The following CLEC4A variants were observed in gnomAD, a reference collection of about 807,000 sequenced individuals.
CLEC4A encodes the protein C-type (calcium dependent, carbohydrate-recognition domain) lectin, superfamily member 6.
A neutral mutation model predicts 32.7 loss-of-function variants in CLEC4A; 27 were observed. The ratio of observed to expected loss-of-function variants is 0.83; its 90% CI spans 0.61 to 1.14. The LOEUF is 1.14. Among genes scored for constraint, CLEC4A ranks in the 50% most tolerant of loss-of-function variants. CLEC4A has a pLI of 0.00. For synonymous variants in CLEC4A, 89 were observed against 93.7 expected (o/e 0.95, Z 0.29); for missense variants, 253 against 274.6 (o/e 0.92, Z 0.55).
intron 3 of CLEC4A, chr12:8,133,728 T>G: frequency 6.3e-7 from 1 of 1,585,116 alleles, no homozygotes; most frequent in South Asian, 1.1e-5. Flanking sequence ...TTTCCCTAGC[T>G]CCTCCCCTCC....
the CLEC4A span, among the ~76,000 whole-genome samples, chr12:8,115,057 G>A: frequency 1.3e-5 from 2 of 152,194 alleles, no homozygotes; most frequent in African/African-American, 4.8e-5. Context: ...GCCAAAGAGG[G>A]TTCAAGCACC....
intron 3 of CLEC4A, chr12:8,134,979 G>GTTTTTTTGT (rs1591611840): frequency 1.8e-5 from 3 of 166,032 alleles, no homozygotes; most frequent in Non-Finnish European, 2.5e-5. Flanking sequence ...AAGCGTTTTT[G>GTTTTTTTGT]TTTTTTGTTT....
In CLEC4A at chr12:8,130,236, C is replaced by T. The variant is rs765780270; in HGVS notation, c.298+874C>T. Among the ~76,000 whole-genome samples, 7 of 152,190 alleles carry T rather than the reference C, an allele frequency of 4.6e-5. No homozygotes were observed. The South Asian group carries it at 8.3e-4, about 18-fold the overall frequency. ...TACATTGCTTTTAGACTTCTTCGAC[C>T]TTTGCTTCTTTCGGAACTTTCTATA... On this transcript the variant is annotated intron_variant, in intron 3 of 5. Transcript: ENST00000229332.
intron 2 of CLEC4A, among the ~76,000 whole-genome samples, 190 bp downstream of exon 2, chr12:8,125,867 T>A (rs1322075450): frequency 1.3e-5 from 2 of 152,196 alleles, no homozygotes; most frequent in Non-Finnish European, 2.9e-5. Flanking sequence ...CCTGTAAAAA[T>A]AATGGAATCC....
At chr12:8,114,737 C>G in the CLEC4A span, among the ~76,000 whole-genome samples, 1 of 152,184 alleles carries the variant, frequency 6.6e-6, no homozygotes, top group South Asian at 2.1e-4. Context: ...CTGCTTAGTG[C>G]TTGTCCAAGG....
chr12:8,114,337 C>CG, the CLEC4A span, among the ~76,000 whole-genome samples: 1 of 152,060 alleles, frequency 6.6e-6, no homozygotes, highest in East Asian at 1.9e-4. Flanking sequence ...CTCTGCCTCC[C>CG]GGGTTCACGC....
the CLEC4A span, among the ~76,000 whole-genome samples, chr12:8,113,660 A>G: frequency 6.6e-6 from 1 of 152,152 alleles, no homozygotes; most frequent in African/African-American, 2.4e-5. Context: ...CAATCTGCTC[A>G]CCTTTCAGAT....
the CLEC4A span, among the ~76,000 whole-genome samples, chr12:8,105,677 T>A: frequency 9.2e-5 from 14 of 152,176 alleles, no homozygotes; most frequent in Admixed American, 8.5e-4. Context: ...CATATGCTTG[T>A]TGGCCATGTG....
At chr12:8,124,525 C>T (rs965091888) in intron 1 of CLEC4A, among the ~76,000 whole-genome samples, 7 of 152,200 alleles carry the variant, frequency 4.6e-5, no homozygotes, top group East Asian at 3.9e-4. Context: ...GAACCTATTG[C>T]GTGTTGCATC....
upstream of CLEC4A, among the ~76,000 whole-genome samples, chr12:8,123,196 G>A (rs886947252): frequency 6.6e-6 from 1 of 152,202 alleles, no homozygotes; most frequent in African/African-American, 2.4e-5. Flanking sequence ...GCTTTCTGGA[G>A]ATTCTAGCAA....
At chr12:8,103,625 T>G in the CLEC4A span, among the ~76,000 whole-genome samples, 1 of 152,098 alleles carries the variant, frequency 6.6e-6, no homozygotes, top group East Asian at 1.9e-4. Context: ...GACCTCATGA[T>G]CCCTCTGCCT....
Position 8,123,790 on chromosome 12 carries a change from T to C in CLEC4A, c.-89T>C, listed in dbSNP as rs1947856108. The stretch of plus-strand genomic sequence containing the variant: ...AGTTGAGTGAAAGGAAGGAGGTAAT[T>C]TACCACCATGTTTGGTTCCTGTTTA... On this transcript the variant is annotated 5_prime_UTR_variant, in exon 1 of 6. Coordinates refer to ENST00000229332, the MANE Select transcript of CLEC4A (RefSeq NM_016184.4). 1 of 880,048 alleles carries C rather than the reference T, an allele frequency of 1.1e-6. No homozygotes were observed. Among genetic ancestry groups the C allele is most frequent in the South Asian group, 1.4e-5 (1 of 70,428 alleles). The allele number at this position is 880,048 out of a possible 1,614,324, so 54.5% of individuals were successfully genotyped here.
At chr12:8,133,984 A>G (rs1339384089) in intron 3 of CLEC4A, 2 of 1,608,122 alleles carry the variant, frequency 1.2e-6, no homozygotes, top group East Asian at 4.5e-5. Flanking sequence ...GTGCATAGCC[A>G]CTGCTTGATC....
chr12:8,129,231 A>G, intron 2 of CLEC4A, 33 bp from the exon 3 acceptor site: 1 of 1,354,998 alleles, frequency 7.4e-7, no homozygotes, highest in Non-Finnish European at 1.0e-6. Flanking sequence ...TAATGCTACC[A>G]GGAAAATAAA....
intron 1 of CLEC4A, among the ~76,000 whole-genome samples, chr12:8,124,748 A>G (rs1947873496): frequency 6.6e-6 from 1 of 152,220 alleles, no homozygotes; most frequent in South Asian, 2.1e-4. Context: ...TAAAAACTTT[A>G]TATAATTTCT....
chr12:8,110,962 C>A, the CLEC4A span, among the ~76,000 whole-genome samples: 1 of 151,966 alleles, frequency 6.6e-6, no homozygotes, highest in Non-Finnish European at 1.5e-5. Context: ...CAAGCTCCGT[C>A]TCCCAGGTTC....
upstream of CLEC4A, among the ~76,000 whole-genome samples, chr12:8,123,446 T>G (rs149251574): frequency 6.7e-4 from 102 of 152,334 alleles, 1 homozygote; most frequent in African/African-American, 2.3e-3. Flanking sequence ...TAAGTCTATG[T>G]TCAGGATGTT....
At chr12:8,129,577 G>A (rs1947960753) in intron 3 of CLEC4A, among the ~76,000 whole-genome samples, 1 of 152,088 alleles carries the variant, frequency 6.6e-6, no homozygotes, top group South Asian at 2.1e-4. Context: ...TGGATCACAA[G>A]GTCAACAGAT....
chr12:8,134,354 A>G lies in CLEC4A; in HGVS notation c.299-1231A>G, dbSNP rs1485930690. The G allele has an allele frequency of 3.7e-6, 6 of 1,612,508 alleles. No homozygotes were observed. The South Asian group carries it at 6.6e-5, about 18-fold the overall frequency. ...AAATAGAACCCCCAGGGTGAGCCAC[A>G]TCGGCCTGTGTATATCCCAGGGTGA... On this transcript the variant is annotated intron_variant, in intron 3 of 5. Transcript: ENST00000229332.
Sources: allele counts gnomAD v4.1 joint callset (sites outside exome capture counted in the v4.1 genomes callset), GRCh38; gene constraint gnomAD v4.1.1; transcripts MANE v1.5; gene names NCBI Gene and HGNC (gene_info 2026-07-23, HGNC 2026-07-21).